The following DGAT2L6 variants were observed in gnomAD, a reference collection of about 807,000 sequenced individuals.
DGAT2L6 encodes the protein diacylglycerol O-acyltransferase 2-like protein 6.
In DGAT2L6, 22 loss-of-function variants were observed where a neutral mutation model predicts 25.5. The ratio of observed to expected loss-of-function variants is 0.86; its 90% confidence interval spans 0.62 to 1.23. DGAT2L6 has a LOEUF of 1.23. Among genes scored for constraint, DGAT2L6 ranks in the 50% most tolerant of loss-of-function variants. The probability of loss-of-function intolerance (pLI) is 0.00; values close to 1 mark genes in which losing one functional copy is unlikely to be tolerated. For synonymous variants in DGAT2L6, 100 were observed against 94.7 expected, an observed-to-expected ratio of 1.06 and a Z score of -0.32; for missense variants, 287 against 253.2, an observed-to-expected ratio of 1.13 and a Z score of -0.91.
rs770289449 is a variant in DGAT2L6 at position 70,205,190 on chromosome X, G to A, written c.*84G>A. On this transcript the variant is annotated 3_prime_UTR_variant, in exon 7 of 7. Coordinates refer to ENST00000333026, the MANE Select transcript of DGAT2L6 (RefSeq NM_198512.3). ...ACAGAAAAAGAAGAATTCCAGGAGA[G>A]GGAAAGATCGTAAGGATGAGAGAGG... is the stretch of plus-strand genomic sequence containing the variant. 82 of 1,003,793 alleles carry A rather than the reference G, an allele frequency of 8.2e-5. No homozygotes were observed. Among genetic ancestry groups the A allele is most frequent in the Non-Finnish European group, 1.0e-4 (78 of 769,600 alleles). The allele number at this position is 1,003,793 out of a possible 1,213,427, so 82.7% of individuals were successfully genotyped here.
At chrX:70,187,169 T>TTTTGTTTGTTTG (rs61670297) in intron 1 of DGAT2L6, among the ~76,000 whole-genome samples, 1 of 108,423 alleles carries the variant, frequency 9.2e-6, no homozygotes, top group South Asian at 4.0e-4. Context: ...AGGAGAAGTT[T>TTTTGTTTGTTTG]TTTGTTTGTT....
chrX:70,193,880 A>G (rs1042970626), intron 1 of DGAT2L6, among the ~76,000 whole-genome samples: 5 of 112,050 alleles, frequency 4.5e-5, no homozygotes, highest in Admixed American at 9.4e-5. Flanking sequence ...TCAACACAGT[A>G]CTGGATGTCC....
At chrX:70,195,221 T>G in intron 1 of DGAT2L6, among the ~76,000 whole-genome samples, 1 of 111,622 alleles carries the variant, frequency 9.0e-6, no homozygotes, top group Non-Finnish European at 1.9e-5. Flanking sequence ...GGATAGCTAT[T>G]ATCAAAAAGA....
At chrX:70,184,199 T>C (rs1221938689) in intron 1 of DGAT2L6, among the ~76,000 whole-genome samples, 8 of 111,292 alleles carry the variant, frequency 7.2e-5, no homozygotes, top group Non-Finnish European at 1.5e-4. Flanking sequence ...TACCTGCCTC[T>C]CAAGACTGTT....
chrX:70,190,647 T>C (rs1338056354), intron 1 of DGAT2L6, among the ~76,000 whole-genome samples: 1 of 112,265 alleles, frequency 8.9e-6, no homozygotes, highest in Non-Finnish European at 1.9e-5. Flanking sequence ...CCCAGCAGTA[T>C]ACCCTGAAGC....
rs759412045 is a variant in DGAT2L6 at position 70,204,377 on chromosome X, G to A, written c.720G>A (p.Thr240=). The A allele has an allele frequency of 4.3e-5, 52 of 1,209,063 alleles. No individual in the cohort carries two copies. Among genetic ancestry groups the A allele is most frequent in the South Asian group, 3.5e-5 (2 of 56,624 alleles). Residue 240 remains threonine (T), a synonymous_variant, in exon 6 of 7, where the codon ACG becomes ACA. Transcript: ENST00000333026. The part of the protein sequence containing the change: ...VFNQETFPEG[T]WLRLFQKTFQ... Reference sequence around the variant, plus strand: ...ATCAGGAGACCTTCCCTGAGGGCACGTGGTTAAGGTTGTTCCAAAAAACCT... The same window carrying A: ...ATCAGGAGACCTTCCCTGAGGGCACATGGTTAAGGTTGTTCCAAAAAACCT...
chrX:70,198,401 G>T (rs1348596016), intron 1 of DGAT2L6, among the ~76,000 whole-genome samples: 1 of 111,632 alleles, frequency 9.0e-6, no homozygotes, highest in African/African-American at 3.3e-5. Context: ...ATACTGTCTT[G>T]CTTTGTTGCC....
At chrX:70,179,165 A>C (rs2085335598) in intron 1 of DGAT2L6, among the ~76,000 whole-genome samples, 1 of 112,402 alleles carries the variant, frequency 8.9e-6, no homozygotes, top group African/African-American at 3.2e-5. Flanking sequence ...CCTTCTCAAA[A>C]TGCAGACTTA....
chrX:70,199,887 C>G lies in DGAT2L6; in HGVS notation c.267+5C>G, dbSNP rs373796174. 1.0e-5 allele frequency: 12 copies of G among 1,205,952 alleles called. No homozygotes were observed. In the African/African-American group the frequency reaches 1.9e-4, roughly 19 times the overall value. ...CGAAATTACTTCCCAGTAAAGGTGA[C>G]CACTCTTCCTCGGGGTGCCCTCAGT... On this transcript the variant is annotated splice_donor_5th_base_variant and intron_variant, in intron 3 of 6. Transcript: ENST00000333026.
intron 5 of DGAT2L6, among the ~76,000 whole-genome samples, chrX:70,202,513 G>C (rs938796760): frequency 1.8e-5 from 2 of 112,112 alleles, no homozygotes; most frequent in Non-Finnish European, 3.8e-5. Context: ...AACACCCACT[G>C]TATATCAGGC....
rs758968517 is a variant in DGAT2L6 at position 70,189,499 on chromosome X, C to A, written c.86-9772C>A. Among the ~76,000 whole-genome samples, 6 of 111,893 alleles carry A rather than the reference C, an allele frequency of 5.4e-5. No individual in the cohort carries two copies. In the South Asian group the frequency reaches 1.8e-3, roughly 34 times the overall value. The stretch of plus-strand genomic sequence containing the variant: ...AAAGATCTAAATAATTAGAGACATA[C>A]CATGTTCACAGATTGGAAGATTCAA... On this transcript the variant is annotated intron_variant, in intron 1 of 6. Coordinates refer to ENST00000333026, the MANE Select transcript of DGAT2L6 (RefSeq NM_198512.3).
At chrX:70,185,740 T>C (rs1290098474) in intron 1 of DGAT2L6, among the ~76,000 whole-genome samples, 3 of 111,826 alleles carry the variant, frequency 2.7e-5, no homozygotes, top group Admixed American at 1.9e-4. Flanking sequence ...CTCATCAATG[T>C]TTACTGAATT....
intron 1 of DGAT2L6, among the ~76,000 whole-genome samples, chrX:70,178,950 T>C (rs754239842): frequency 8.9e-6 from 1 of 112,597 alleles, no homozygotes; most frequent in South Asian, 3.6e-4. Flanking sequence ...CCAGTAGTTA[T>C]TGGCACTGCT....
At chrX:70,199,707 G>A in intron 2 of DGAT2L6, 105 bp from the exon 3 acceptor site, 3 of 714,083 alleles carry the variant, frequency 4.2e-6, no homozygotes, top group Admixed American at 3.1e-5. Context: ...TCAGAAGGAG[G>A]CCCCTCACGT....
intron 1 of DGAT2L6, among the ~76,000 whole-genome samples, chrX:70,182,467 A>ATTTTTTTT (rs1569427581): frequency 1.6e-5 from 1 of 63,471 alleles, no homozygotes; most frequent in African/African-American, 8.5e-5. Flanking sequence ...TTTCAAAAGC[A>ATTTTTTTT]TCTTTTTTTT....
At chrX:70,204,046 C>T (rs2085420189) in intron 5 of DGAT2L6, among the ~76,000 whole-genome samples, 1 of 111,384 alleles carries the variant, frequency 9.0e-6, no homozygotes, top group Admixed American at 9.5e-5. Flanking sequence ...TTACGAAGAA[C>T]ACTCTGCATG....
At chrX:70,180,314 T>C (rs901176645) in intron 1 of DGAT2L6, among the ~76,000 whole-genome samples, 14 of 110,258 alleles carry the variant, frequency 1.3e-4, no homozygotes, top group African/African-American at 4.6e-4. Context: ...CTGTGTGTGG[T>C]GGCGCGTGCC....
intron 3 of DGAT2L6, 43 bp from the exon 4 acceptor site, chrX:70,200,212 C>G (rs767903713): frequency 2.1e-4 from 250 of 1,173,291 alleles, no homozygotes; most frequent in Non-Finnish European, 2.8e-4. Flanking sequence ...GTGGTTTCTT[C>G]CTTCTTTGTA....
chrX:70,199,836 G>A lies in DGAT2L6; in HGVS notation c.221G>A (p.Arg74Gln), dbSNP rs762343876. ...GGTGGCAGGCGTTCAGCTTGGGTACGAAACTGGACCCTATGGAAGTATTTC... is the reference window on the plus strand; with the variant it reads ...GGTGGCAGGCGTTCAGCTTGGGTACAAAACTGGACCCTATGGAAGTATTTC... ...SQGGRRSAWV[R>Q]NWTLWKYFRN... Residue 74 changes from arginine (R) to glutamine (Q), a missense_variant, in exon 3 of 7, where the codon CGA becomes CAA. Physicochemically the swap from Arg to Gln is conservative, Grantham distance 43. Coordinates refer to ENST00000333026, the MANE Select transcript of DGAT2L6 (RefSeq NM_198512.3). The A allele has an allele frequency of 1.2e-5, 14 of 1,209,175 alleles. No homozygotes were observed. The highest frequency in any genetic ancestry group is 3.0e-5 in the East Asian group (1 of 33,707).
Sources: allele counts gnomAD v4.1 joint callset (sites outside exome capture counted in the v4.1 genomes callset), GRCh38; gene constraint gnomAD v4.1.1; transcripts MANE v1.5; gene names NCBI Gene and HGNC (gene_info 2026-07-23, HGNC 2026-07-21).